The following DOCK3 variants were observed in gnomAD, a reference collection of about 807,000 sequenced individuals.
DOCK3 encodes dedicator of cytokinesis protein 3.
A neutral mutation model predicts 265.6 loss-of-function variants in DOCK3; 60 were observed. The ratio of observed to expected loss-of-function variants is 0.23; its 90% CI spans 0.18 to 0.28. The LOEUF (loss-of-function observed/expected upper bound fraction) is 0.28. DOCK3 is among the 10% of genes least tolerant of loss of function. The probability of loss-of-function intolerance (pLI) is 1.00; values close to 1 mark genes in which losing one functional copy is unlikely to be tolerated. For synonymous variants in DOCK3, 881 were observed against 938.0 expected (o/e 0.94, Z 1.11); for missense variants, 1,981 against 2,594.3 (o/e 0.76, Z 5.14).
intron 1 of DOCK3, among the ~76,000 whole-genome samples, chr3:50,767,224 TTTTCTTCTAGGG>T (rs2040948451): frequency 6.6e-6 from 1 of 152,106 alleles, no homozygotes; most frequent in Non-Finnish European, 1.5e-5. Context: ...ATTGCCTAGG[TTTTCTTCTAGGG>T]TTTTTATGGT....
At chr3:51,040,056 C>T (rs1224262550) in intron 5 of DOCK3, among the ~76,000 whole-genome samples, 1 of 152,004 alleles carries the variant, frequency 6.6e-6, no homozygotes, top group Non-Finnish European at 1.5e-5. Context: ...AATTTGTAAT[C>T]TCTACTTTTC....
chr3:51,058,554 G>A (rs2081283078), intron 5 of DOCK3, among the ~76,000 whole-genome samples: 1 of 152,130 alleles, frequency 6.6e-6, no homozygotes. Flanking sequence ...GTGTATATAT[G>A]TACATGTATA....
chr3:51,273,676 G>A (rs888761347), intron 24 of DOCK3, among the ~76,000 whole-genome samples: 1 of 152,150 alleles, frequency 6.6e-6, no homozygotes, highest in Non-Finnish European at 1.5e-5. Flanking sequence ...ACAAGGCAGT[G>A]CCCAAATCTC....
intron 1 of DOCK3, among the ~76,000 whole-genome samples, chr3:50,733,872 TTATGTATCTACAATAAGCTTTTGCTTTG>T (rs1488020238): frequency 2.3e-4 from 35 of 152,208 alleles, no homozygotes; most frequent in Non-Finnish European, 4.6e-4. Context: ...TGTTTATCAT[TTATGTATCTACAATAAGCTTTTGCTTTG>T]TGGCTGGCTG....
At chr3:50,968,433 A>C (rs1277601246) in intron 5 of DOCK3, among the ~76,000 whole-genome samples, 1 of 152,200 alleles carries the variant, frequency 6.6e-6, no homozygotes, top group Non-Finnish European at 1.5e-5. Flanking sequence ...CTGTCACCTG[A>C]GTAGTGTACA....
intron 31 of DOCK3, 48 bp from the exon 32 acceptor site, chr3:51,314,932 A>G (rs372303885): frequency 6.2e-5 from 96 of 1,540,596 alleles, no homozygotes; most frequent in Non-Finnish European, 8.1e-5. Flanking sequence ...GGAATCTTCC[A>G]TGGAAGGAGC....
intron 49 of DOCK3, among the ~76,000 whole-genome samples, chr3:51,369,845 G>T (rs1560519008): frequency 6.6e-6 from 1 of 152,184 alleles, no homozygotes; most frequent in Non-Finnish European, 1.5e-5. Context: ...CATTTCCAGG[G>T]CAAGGGAATT....
At chr3:50,949,588 A>G (rs1013875565) in intron 5 of DOCK3, among the ~76,000 whole-genome samples, 3 of 152,124 alleles carry the variant, frequency 2.0e-5, no homozygotes, top group Admixed American at 6.5e-5. Flanking sequence ...ATTTGGTAGA[A>G]TTCACCTTTA....
chr3:51,034,779 G>C (rs957980200), intron 5 of DOCK3, among the ~76,000 whole-genome samples: 1 of 152,004 alleles, frequency 6.6e-6, no homozygotes, highest in East Asian at 1.9e-4. Flanking sequence ...TGTGAGTTTG[G>C]TGATGTCTCT....
chr3:51,343,856 T>C (rs1299519979), intron 38 of DOCK3, among the ~76,000 whole-genome samples: 3 of 152,208 alleles, frequency 2.0e-5, no homozygotes, highest in Non-Finnish European at 4.4e-5. Flanking sequence ...CCTGGGCCAT[T>C]CTCTCCTGTA....
At chr3:51,360,198 T>A (rs1439277649) in intron 46 of DOCK3, among the ~76,000 whole-genome samples, 2 of 152,192 alleles carry the variant, frequency 1.3e-5, no homozygotes, top group African/African-American at 4.8e-5. Context: ...ACTTATTCCG[T>A]AGCGAGAAAA....
chr3:50,854,592 G>GTTTTTGTTTTTTT, intron 3 of DOCK3, among the ~76,000 whole-genome samples: 1 of 47,214 alleles, frequency 2.1e-5, no homozygotes, highest in Non-Finnish European at 3.6e-5. Flanking sequence ...CATCACACCA[G>GTTTTTGTTTTTTT]TTTTTTTTTT....
At chr3:51,270,661 G>C (rs894203460) in intron 23 of DOCK3, among the ~76,000 whole-genome samples, 154 bp from the exon 24 acceptor site, 20 of 152,138 alleles carry the variant, frequency 1.3e-4, no homozygotes, top group Non-Finnish European at 1.5e-4. Context: ...CTCCATGCCT[G>C]AGTGCTGTAG....
At chr3:51,206,407 G>A (rs1191275150) in intron 12 of DOCK3, among the ~76,000 whole-genome samples, 1 of 152,142 alleles carries the variant, frequency 6.6e-6, no homozygotes, top group Non-Finnish European at 1.5e-5. Flanking sequence ...ACAAATAGGT[G>A]CCCTAAAATA....
chr3:50,982,911 G>A (rs1287876174), intron 5 of DOCK3, among the ~76,000 whole-genome samples: 1 of 152,126 alleles, frequency 6.6e-6, no homozygotes, highest in Non-Finnish European at 1.5e-5. Context: ...ACTTTCCCAG[G>A]TGCAGGACCT....
chr3:51,305,716 C>G (rs7431170), intron 27 of DOCK3, among the ~76,000 whole-genome samples: 27 of 66,978 alleles, frequency 4.0e-4, no homozygotes, highest in African/African-American at 1.2e-3. Context: ...GTGTGTGTGT[C>G]TGTGTGTGTG....
intron 49 of DOCK3, among the ~76,000 whole-genome samples, chr3:51,365,344 G>A (rs1362168003): frequency 1.3e-5 from 2 of 152,224 alleles, no homozygotes; most frequent in Non-Finnish European, 2.9e-5. Context: ...TTTGTATCCT[G>A]AGACTTTGCT....
At chr3:50,873,460 A>G (rs2047534392) in intron 3 of DOCK3, among the ~76,000 whole-genome samples, 1 of 152,008 alleles carries the variant, frequency 6.6e-6, no homozygotes, top group Non-Finnish European at 1.5e-5. Context: ...TCCTCTCCTC[A>G]CACAGAAGGA....
At position 50,843,760 on chromosome 3, in the gene DOCK3, T is replaced by A. The variant is rs1366261709; in HGVS notation, c.162+2045T>A. Among the ~76,000 whole-genome samples the A allele has an allele frequency of 7.9e-5, 12 of 152,340 alleles. No homozygotes were observed. In the South Asian group the frequency reaches 1.2e-3, roughly 16 times the overall value. On this transcript the variant is annotated intron_variant, in intron 3 of 52. Transcript: ENST00000266037. ...GAATCTTAGGTTATTACAGCATTTA[T>A]TAGCAACATGTATCTATATATCTCT... is the stretch of plus-strand genomic sequence containing the variant.
Sources: allele counts gnomAD v4.1 joint callset (sites outside exome capture counted in the v4.1 genomes callset), GRCh38; gene constraint gnomAD v4.1.1; transcripts MANE v1.5; gene names NCBI Gene and HGNC (gene_info 2026-07-23, HGNC 2026-07-21).